Variants in UBOX5 observed in about 807,000 individuals in gnomAD.
UBOX5 encodes U-box domain containing 5, also known as RING finger protein 37.
UBOX5 carries 28 observed loss-of-function variants against 39.0 expected under a neutral mutation model. That is an observed-to-expected ratio of 0.72 (90% CI 0.53 to 0.98). The LOEUF is 0.98. Among genes scored for constraint, UBOX5 ranks in the 50% least tolerant of loss-of-function variants. UBOX5 has a pLI of 0.00. For missense variants in UBOX5, 585 were observed against 674.4 expected, an observed-to-expected ratio of 0.87 and a Z score of 1.47; for synonymous variants, 283 against 275.5, an observed-to-expected ratio of 1.03 and a Z score of -0.27.
chr20:3,146,045 C>CAA (rs58783186), intron 1 of UBOX5, among the ~76,000 whole-genome samples: 78 of 102,360 alleles, frequency 7.6e-4, no homozygotes, highest in African/African-American at 1.8e-3. Context: ...GACTCCGTCT[C>CAA]AAAAAAAAAA....
chr20:3,122,412 T>C lies in UBOX5; in HGVS notation c.227A>G (p.Gln76Arg), dbSNP rs745691481. Residue 76 changes from glutamine (Q) to arginine (R), a missense_variant, in exon 3 of 5, where the codon CAG becomes CGG. Transcript: ENST00000217173. ...INIDLTAGGG[Q>R]NVTGLEMYTS... Reference sequence around the variant, plus strand: ...GTACATTTCCAGGCCAGTGACGTTCTGACCTCCCCCAGCTGTGAGGTCTAT... The same window carrying C: ...GTACATTTCCAGGCCAGTGACGTTCCGACCTCCCCCAGCTGTGAGGTCTAT... 1.2e-6 allele frequency: 2 copies of C among 1,614,108 alleles called. No individual in the cohort carries two copies. The highest frequency in any genetic ancestry group is 3.3e-5 in the Admixed American group (2 of 60,004).
Position 3,110,164 on chromosome 20 carries a change from G to A in UBOX5, c.1568C>T (p.Thr523Met), listed in dbSNP as rs778910767. The A allele has an allele frequency of 2.5e-5, 41 of 1,613,346 alleles. No individual in the cohort carries two copies. Among genetic ancestry groups the A allele is most frequent in the East Asian group, 4.5e-5 (2 of 44,900 alleles). ...AACCGGCCGCTGGCAGGCTGTGCAC[G>A]TCATGGGCAGGGAGCGTTGCTTCTC... Reference protein sequence around the residue: ...LGEKQRSLPMTCTACQRPVAS... With the variant: ...LGEKQRSLPMMCTACQRPVAS... Residue 523 changes from threonine (T) to methionine (M), a missense_variant, in exon 5 of 5, where the codon ACG becomes ATG. Coordinates refer to ENST00000217173, the MANE Select transcript of UBOX5 (RefSeq NM_014948.4).
chr20:3,124,925 A>C (rs1448986121), intron 1 of UBOX5, among the ~76,000 whole-genome samples: 14 of 79,810 alleles, frequency 1.8e-4, no homozygotes, highest in South Asian at 9.7e-4. Flanking sequence ...CTGGCCACCC[A>C]TCATCTGGGA....
chr20:3,146,122 C>T (rs1048416305), intron 1 of UBOX5, among the ~76,000 whole-genome samples: 2 of 151,582 alleles, frequency 1.3e-5, no homozygotes, highest in Non-Finnish European at 2.9e-5. Flanking sequence ...AGGCGGATCA[C>T]CGGAAGTCAG....
chr20:3,147,572 C>G (rs770776460), intron 1 of UBOX5: 12 of 1,614,068 alleles, frequency 7.4e-6, no homozygotes, highest in Non-Finnish European at 1.0e-5. Flanking sequence ...CTGAGCTAAC[C>G]TGACAAACCC....
intron 1 of UBOX5, chr20:3,150,590 A>G (rs1204049395): frequency 6.6e-6 from 1 of 152,238 alleles, no homozygotes; most frequent in Non-Finnish European, 1.5e-5. Context: ...CAACTGATGT[A>G]CCAGACAGGG....
intron 4 of UBOX5, among the ~76,000 whole-genome samples, chr20:3,114,879 C>T (rs943358442): frequency 1.2e-4 from 18 of 152,042 alleles, no homozygotes; most frequent in African/African-American, 4.1e-4. Context: ...ATCCAGGAGG[C>T]GGAGGTTGCA....
chr20:3,156,760 G>C (rs1032464614), intron 1 of UBOX5: 3 of 152,158 alleles, frequency 2.0e-5, no homozygotes, highest in Non-Finnish European at 2.9e-5. Context: ...GTTAGAGGAG[G>C]GGGGCCAGGC....
intron 1 of UBOX5, among the ~76,000 whole-genome samples, chr20:3,145,759 G>A (rs1233104343): frequency 6.6e-6 from 1 of 152,080 alleles, no homozygotes; most frequent in Non-Finnish European, 1.5e-5. Context: ...TTAAAACAAG[G>A]TATAGGCCAG....
intron 1 of UBOX5, among the ~76,000 whole-genome samples, chr20:3,142,785 A>G (rs1350965657): frequency 1.3e-5 from 2 of 150,642 alleles, no homozygotes; most frequent in Non-Finnish European, 3.0e-5. Flanking sequence ...AAAAAAAAAA[A>G]AAAAAAAGAA....
intron 1 of UBOX5, among the ~76,000 whole-genome samples, chr20:3,135,777 G>C (rs1175043271): frequency 1.1e-5 from 1 of 89,582 alleles, no homozygotes; most frequent in East Asian, 5.7e-4. Flanking sequence ...TCTTACTAAA[G>C]GTTGTAGTTA....
At position 3,121,444 on chromosome 20, in the gene UBOX5, T is replaced by C; in HGVS notation, c.1195A>G (p.Thr399Ala). Residue 399 changes from threonine to alanine, a missense_variant, in exon 3 of 5, where the codon ACT becomes GCT. Transcript: ENST00000217173. The part of the protein sequence containing the change: ...PLVLPTTSEH[T>A]AKKMKATNEP... ...TTGGTGGCTTTCATTTTCTTAGCAG[T>C]GTGCTCTGAGGTAGTGGGTAAGACC... 6.2e-7 allele frequency: 1 copy of C among 1,614,056 alleles called. No individual in the cohort carries two copies. The highest frequency in any genetic ancestry group is 2.2e-5 in the East Asian group (1 of 44,874).
At chr20:3,125,883 C>G (rs971812238) in intron 1 of UBOX5, among the ~76,000 whole-genome samples, 1 of 151,026 alleles carries the variant, frequency 6.6e-6, no homozygotes, top group Non-Finnish European at 1.5e-5. Context: ...GCCGCCACCC[C>G]GTCTGGGAAG....
chr20:3,148,176 T>A (rs551861435), intron 1 of UBOX5: 10 of 1,613,854 alleles, frequency 6.2e-6, no homozygotes, highest in Non-Finnish European at 8.5e-6. Context: ...AATTTTTGCA[T>A]TAGGTCCTGG....
intron 4 of UBOX5, among the ~76,000 whole-genome samples, chr20:3,111,361 C>G (rs1416108113): frequency 2.0e-5 from 3 of 152,196 alleles, no homozygotes; most frequent in Non-Finnish European, 4.4e-5. Context: ...CGACACATCT[C>G]TTCCTAACTA....
chr20:3,109,874 G>T lies in UBOX5; in HGVS notation c.*232C>A. ...GTGGGTCCTGGGCTCAGGCAGGGGG[G>T]GTGGCAGGGAGGCAGGGACATCCCC... is the stretch of plus-strand genomic sequence containing the variant. On this transcript the variant is annotated 3_prime_UTR_variant, in exon 5 of 5. Transcript: ENST00000217173. 2 of 591,708 alleles carry T rather than the reference G, an allele frequency of 3.4e-6. No homozygotes were observed. The highest frequency in any genetic ancestry group is 6.0e-6 in the Non-Finnish European group (2 of 335,946). The allele number at this position is 591,708 out of a possible 1,614,324, so 36.7% of individuals were successfully genotyped here.
intron 1 of UBOX5, among the ~76,000 whole-genome samples, chr20:3,140,101 A>AACCTCC (rs1600397210): frequency 1.4e-5 from 2 of 140,536 alleles, no homozygotes; most frequent in East Asian, 4.2e-4. Flanking sequence ...AGCTCACTGC[A>AACCTCC]ACCTCCACCT....
chr20:3,157,354 C>T (rs149583341), intron 1 of UBOX5, among the ~76,000 whole-genome samples: 25 of 152,298 alleles, frequency 1.6e-4, no homozygotes, highest in African/African-American at 5.5e-4. Context: ...CAGTGTCACT[C>T]GCAGGTCTAA....
intron 3 of UBOX5, among the ~76,000 whole-genome samples, chr20:3,115,892 T>C (rs1339057787): frequency 6.6e-6 from 1 of 151,544 alleles, no homozygotes; most frequent in Non-Finnish European, 1.5e-5. Flanking sequence ...GCCTCCCAAG[T>C]AGCTGGGACT....
Sources: gnomAD v4.1 joint callset for allele counts (sites outside exome capture counted in the v4.1 genomes callset) on GRCh38, gnomAD v4.1.1 for gene constraint, MANE v1.5 for transcripts, NCBI Gene and HGNC (gene_info 2026-07-23, HGNC 2026-07-21) for gene names.